PTPRN2: variants seen among roughly 807,000 people sequenced by gnomAD.
PTPRN2 encodes protein tyrosine phosphatase receptor type N2.
Under a neutral mutation model 118.8 loss-of-function variants are expected in PTPRN2, and 74 were observed. The ratio of observed to expected loss-of-function variants is 0.62; its 90% CI spans 0.52 to 0.76. The LOEUF (loss-of-function observed/expected upper bound fraction) is 0.76. Ranked by LOEUF, PTPRN2 falls within the 30% of genes least tolerant of loss-of-function variation. The pLI, the probability that PTPRN2 is intolerant of heterozygous loss-of-function variation, is 0.00. For missense variants in PTPRN2, 1,481 were observed against 1,394.4 expected (o/e 1.06, Z -0.99); for synonymous variants, 641 against 608.0 (o/e 1.05, Z -0.80).
At chr7:158,316,217 C>T (rs74641881) in intron 3 of PTPRN2, among the ~76,000 whole-genome samples, 2,021 of 152,284 alleles carry the variant, frequency 0.013, 53 homozygotes, top group African/African-American at 0.045. Flanking sequence ...ACGCACAGTG[C>T]TCCTGCCAGA....
At chr7:158,257,301 A>G (rs1348303066) in intron 3 of PTPRN2, among the ~76,000 whole-genome samples, 1 of 150,308 alleles carries the variant, frequency 6.7e-6, no homozygotes, top group Admixed American at 6.6e-5. Flanking sequence ...TTTCTGGGGT[A>G]GGATCCTTCC....
intron 12 of PTPRN2, chr7:157,855,015 GC>G (rs1351180469): frequency 5.7e-6 from 1 of 175,330 alleles, no homozygotes; most frequent in Non-Finnish European, 1.2e-5. Context: ...TGTGTGTGGG[GC>G]TGGATCAGGG....
At chr7:157,642,847 A>G (rs1199145015) in intron 14 of PTPRN2, among the ~76,000 whole-genome samples, 2 of 140,480 alleles carry the variant, frequency 1.4e-5, no homozygotes, top group Admixed American at 1.5e-4. Flanking sequence ...AAAAAAAAGC[A>G]GCTAAAACGC....
chr7:158,049,328 C>A (rs1184087541), intron 11 of PTPRN2, among the ~76,000 whole-genome samples: 7 of 152,310 alleles, frequency 4.6e-5, no homozygotes, highest in Middle Eastern at 3.4e-3. Context: ...ATTCTCTGTG[C>A]CGTCTTCCTC....
At chr7:158,207,077 C>T (rs947910858) in intron 3 of PTPRN2, among the ~76,000 whole-genome samples, 2 of 147,408 alleles carry the variant, frequency 1.4e-5, no homozygotes, top group Admixed American at 6.8e-5. Flanking sequence ...TTTGTTCTTG[C>T]GATAGTTTAC....
chr7:157,893,179 G>A lies in PTPRN2; in HGVS notation c.1788+5494C>T, dbSNP rs1017508355. Among the ~76,000 whole-genome samples the A allele has an allele frequency of 3.3e-5, 5 of 152,226 alleles. No individual in the cohort carries two copies. The highest frequency in any genetic ancestry group is 9.6e-5 in the African/African-American group (4 of 41,466). On this transcript the variant is annotated intron_variant, in intron 12 of 22. Transcript: ENST00000389418. This position sits in a 1 kb window ranked among gnomAD's most constrained non-coding sequence, Gnocchi z 4.0. ...TGAATGAGCTCCTTGTGGCCAGATC[G>A]TAACCAGTGGGTGAAATAAACACTC...
chr7:157,723,011 T>A (rs1292834537), intron 12 of PTPRN2, among the ~76,000 whole-genome samples: 1 of 152,216 alleles, frequency 6.6e-6, no homozygotes, highest in African/African-American at 2.4e-5. Flanking sequence ...CGTTACCATT[T>A]CCCGGAAACC....
chr7:157,884,148 G>A (rs1048039005), intron 12 of PTPRN2, among the ~76,000 whole-genome samples: 15 of 151,598 alleles, frequency 9.9e-5, no homozygotes, highest in African/African-American at 3.4e-4. Context: ...TCAGAGAACA[G>A]AACATACCAC....
At chr7:158,274,393 C>G (rs1268408073) in intron 3 of PTPRN2, among the ~76,000 whole-genome samples, 1 of 131,610 alleles carries the variant, frequency 7.6e-6, no homozygotes, top group Admixed American at 8.0e-5. Context: ...GCCGCAGGCA[C>G]AGGGGGAGCC....
chr7:158,116,383 G>A (rs1005231799), intron 9 of PTPRN2, among the ~76,000 whole-genome samples: 4 of 152,214 alleles, frequency 2.6e-5, no homozygotes, highest in African/African-American at 9.6e-5. Flanking sequence ...CTTGAACTCT[G>A]AAGCCTAATG....
intron 12 of PTPRN2, among the ~76,000 whole-genome samples, chr7:157,795,529 G>A (rs543038918): frequency 1.3e-5 from 2 of 152,356 alleles, no homozygotes; most frequent in South Asian, 4.1e-4. Flanking sequence ...TTATTTACAA[G>A]TCGCATGAGA....
rs1802957787 is a variant in PTPRN2 at position 157,618,752 on chromosome 7, C to G, written c.2344+2610G>C. The stretch of plus-strand genomic sequence containing the variant: ...GTAATACAAGTTTGCTCAGAATAAA[C>G]CTATGTGTTCATGAAAATATTTCTA... On this transcript the variant is annotated intron_variant, in intron 15 of 22. Transcript: ENST00000389418. The surrounding 1 kb of genome is among the most constrained non-coding windows in gnomAD (Gnocchi z 4.2). 1 of 152,230 alleles carries G rather than the reference C, an allele frequency of 6.6e-6. No individual in the cohort carries two copies. The highest frequency in any genetic ancestry group is 1.9e-4 in the East Asian group (1 of 5,200). The allele number at this position is 152,230 out of a possible 1,614,324, so 9.4% of individuals were successfully genotyped here.
intron 17 of PTPRN2, among the ~76,000 whole-genome samples, chr7:157,582,758 C>T (rs1046314933): frequency 6.6e-6 from 1 of 151,648 alleles, no homozygotes; most frequent in Non-Finnish European, 1.5e-5. Flanking sequence ...CCTGTAATCC[C>T]AGCTACTCAG....
At position 158,316,647 on chromosome 7, in the gene PTPRN2, C is replaced by T. The variant is rs554508513; in HGVS notation, c.277+172G>A. On this transcript the variant is annotated intron_variant, in intron 3 of 22. Coordinates refer to ENST00000389418, the MANE Select transcript of PTPRN2 (RefSeq NM_002847.5). The stretch of plus-strand genomic sequence containing the variant: ...GGGCTCCTCCAAACCCAGGAACGGA[C>T]GATCCCAGTAGGAAGCACCCATGAG... 3.3e-5 allele frequency among the ~76,000 whole-genome samples: 5 copies of T among 152,290 alleles called. No individual in the cohort carries two copies. The South Asian group carries it at 1.0e-3, about 32-fold the overall frequency.
At chr7:158,080,340 A>T (rs11761118) in intron 11 of PTPRN2, among the ~76,000 whole-genome samples, 1 of 123,812 alleles carries the variant, frequency 8.1e-6, no homozygotes, top group East Asian at 2.5e-4. Flanking sequence ...AAAAAAAAAA[A>T]ACAAGTTCAT....
chr7:158,323,870 C>T (rs1803239259), intron 2 of PTPRN2, among the ~76,000 whole-genome samples: 1 of 152,088 alleles, frequency 6.6e-6, no homozygotes, highest in Admixed American at 6.5e-5. Flanking sequence ...TTCATACCTG[C>T]ATGAACCAAC....
intron 12 of PTPRN2, among the ~76,000 whole-genome samples, chr7:157,871,036 C>T (rs765499132): frequency 5.3e-5 from 8 of 152,152 alleles, no homozygotes; most frequent in East Asian, 1.9e-4. Flanking sequence ...GTGCTGGGGG[C>T]GCTAGGCCAT....
At chr7:158,510,162 C>T (rs544572916) in intron 1 of PTPRN2, among the ~76,000 whole-genome samples, 28 of 152,262 alleles carry the variant, frequency 1.8e-4, no homozygotes, top group East Asian at 1.7e-3. Context: ...TCCTGGTGTG[C>T]GGGGACACAT....
rs1826149351 is a variant in PTPRN2 at position 158,544,155 on chromosome 7, A to C, written c.112+43403T>G. Reference sequence around the variant, plus strand: ...TGGGAGGGGCCAGAACCCAGTCCACACTCTGCCCGCATGATCTGCCTCTCC... The same window carrying C: ...TGGGAGGGGCCAGAACCCAGTCCACCCTCTGCCCGCATGATCTGCCTCTCC... On this transcript the variant is annotated intron_variant, in intron 1 of 22. Transcript: ENST00000389418. The surrounding 1 kb of genome is among the most constrained non-coding windows in gnomAD (Gnocchi z 4.2). Among the ~76,000 whole-genome samples the C allele has an allele frequency of 6.6e-6, 1 of 152,018 alleles. No homozygotes were observed. Among genetic ancestry groups the C allele is most frequent in the Non-Finnish European group, 1.5e-5 (1 of 68,002 alleles).
Sources: allele counts gnomAD v4.1 joint callset (sites outside exome capture counted in the v4.1 genomes callset), GRCh38; gene constraint gnomAD v4.1.1; non-coding constraint Gnocchi (gnomAD v3.1); transcripts MANE v1.5; gene names NCBI Gene and HGNC (gene_info 2026-07-23, HGNC 2026-07-21).